SHROOM3: variants seen among roughly 807,000 people sequenced by gnomAD.
The protein encoded by SHROOM3 is shroom family member 3, also known as protein Shroom3.
In SHROOM3, 47 loss-of-function variants were observed where a neutral mutation model predicts 138.6. The observed-to-expected ratio is 0.34, with a 90% CI of 0.27 to 0.43. The LOEUF is 0.43. Ranked by LOEUF, SHROOM3 falls within the 20% of genes least tolerant of loss-of-function variation. The pLI is 1.00. For synonymous variants in SHROOM3, 1,062 were observed against 1,063.3 expected, an observed-to-expected ratio of 1.00 and a Z score of 0.02; for missense variants, 2,491 against 2,596.5, an observed-to-expected ratio of 0.96 and a Z score of 0.88.
intron 9 of SHROOM3, among the ~76,000 whole-genome samples, chr4:76,762,558 G>A (rs1352061683): frequency 1.3e-5 from 2 of 152,212 alleles, no homozygotes; most frequent in Non-Finnish European, 2.9e-5. Context: ...AGTTAATGAG[G>A]CCTCCACATC....
At chr4:76,750,611 T>C (rs901789389) in intron 6 of SHROOM3, among the ~76,000 whole-genome samples, 2 of 152,110 alleles carry the variant, frequency 1.3e-5, no homozygotes, top group African/African-American at 4.8e-5. Flanking sequence ...AACCCCAGCG[T>C]CATGCAATTT....
chr4:76,442,806 T>C (rs2109964855), intron 1 of SHROOM3, among the ~76,000 whole-genome samples: 1 of 152,222 alleles, frequency 6.6e-6, no homozygotes, highest in East Asian at 1.9e-4. Context: ...TCTCTCTCTC[T>C]CCCCTTCCCT....
chr4:76,664,519 G>GTGA lies in SHROOM3; in HGVS notation c.324-45625_324-45623dup, dbSNP rs1234652484. ...TGCCTGTGCTACAATTAAAATAGTC[G>GTGA]TGATGATGATGATGCCTGCCATTCA... On this transcript the variant is annotated intron_variant, in intron 2 of 10. Coordinates refer to ENST00000296043, the MANE Select transcript of SHROOM3 (RefSeq NM_020859.4). The surrounding 1 kb of genome is among the most constrained non-coding windows in gnomAD (Gnocchi z 4.2). Among the ~76,000 whole-genome samples, 2 of 152,108 alleles carry GTGA rather than the reference G, an allele frequency of 1.3e-5. No homozygotes were observed. The highest frequency in any genetic ancestry group is 2.9e-5 in the Non-Finnish European group (2 of 68,010).
intron 2 of SHROOM3, among the ~76,000 whole-genome samples, chr4:76,669,081 T>C (rs1668751247): frequency 6.6e-6 from 1 of 152,220 alleles, no homozygotes; most frequent in Non-Finnish European, 1.5e-5. Flanking sequence ...AAATGCCCCC[T>C]TTCTCCTTTA....
intron 1 of SHROOM3, among the ~76,000 whole-genome samples, chr4:76,502,978 T>A (rs1307733695): frequency 6.6e-6 from 1 of 152,234 alleles, no homozygotes; most frequent in Non-Finnish European, 1.5e-5. Flanking sequence ...TTGTATGCTA[T>A]GTTCTATCCC....
chr4:76,736,294 TG>T (rs1403200301), intron 4 of SHROOM3, among the ~76,000 whole-genome samples: 2 of 152,142 alleles, frequency 1.3e-5, no homozygotes, highest in African/African-American at 4.8e-5. Flanking sequence ...TTCCCTGATC[TG>T]GCTGGCTTGG....
rs1279470645 is a variant in SHROOM3 at position 76,738,882 on chromosome 4, C to A, written c.709C>A (p.Leu237Ile). The A allele has an allele frequency of 6.2e-7, 1 of 1,614,262 alleles. No individual in the cohort carries two copies. The change falls in exon 5 of 11, where the codon CTT (leucine) becomes ATT (isoleucine). Residue 237 changes from leucine (L) to isoleucine (I), a missense_variant. This residue lies in a region of SHROOM3 where 284 missense variants were observed against 322.8 expected (regional missense o/e 0.88). Transcript: ENST00000296043. ...CAGTGGGGCATACCCACCCTGTCAT[C>A]TTTCCCCTGCCAAGTCCACCGGCAG... Reference protein sequence around the residue: ...EPSGAYPPCHLSPAKSTGSID... With the variant: ...EPSGAYPPCHISPAKSTGSID...
chr4:76,642,852 G>C (rs1007761261), intron 2 of SHROOM3, among the ~76,000 whole-genome samples: 4 of 151,988 alleles, frequency 2.6e-5, no homozygotes, highest in South Asian at 2.1e-4. Context: ...GAGTATTTGT[G>C]GGGGAGGGGA....
chr4:76,675,048 G>A (rs566512191), intron 2 of SHROOM3, among the ~76,000 whole-genome samples: 42 of 152,254 alleles, frequency 2.8e-4, no homozygotes, highest in African/African-American at 8.9e-4. Context: ...TATAAATAAT[G>A]GGCTTAGACA....
At chr4:76,559,148 TATCTC>T (rs1473088428) in intron 2 of SHROOM3, 1 of 152,242 alleles carries the variant, frequency 6.6e-6, no homozygotes, top group Non-Finnish European at 1.5e-5. Context: ...GAATATGTCT[TATCTC>T]ATCTATTATG....
At chr4:76,571,777 T>A (rs1268175641) in intron 2 of SHROOM3, among the ~76,000 whole-genome samples, 1 of 152,214 alleles carries the variant, frequency 6.6e-6, no homozygotes, top group Non-Finnish European at 1.5e-5. Flanking sequence ...AGACTTCCAA[T>A]AAGATTTTAT....
chr4:76,444,533 G>A (rs372296043), intron 1 of SHROOM3, among the ~76,000 whole-genome samples: 52 of 111,588 alleles, frequency 4.7e-4, no homozygotes, highest in East Asian at 2.9e-3. Context: ...TTGCTCTGTC[G>A]CCCAGGCTGG....
At chr4:76,774,186 G>A (rs1265184277) in intron 10 of SHROOM3, among the ~76,000 whole-genome samples, 1 of 152,188 alleles carries the variant, frequency 6.6e-6, no homozygotes, top group Non-Finnish European at 1.5e-5. Flanking sequence ...CTGGATGAAT[G>A]CTCTAGATAT....
chr4:76,473,755 A>G (rs1393775271), intron 1 of SHROOM3, among the ~76,000 whole-genome samples: 1 of 152,222 alleles, frequency 6.6e-6, no homozygotes, highest in Non-Finnish European at 1.5e-5. Flanking sequence ...CAAATCAAAA[A>G]TACAATGAAG....
chr4:76,521,736 A>G (rs1377511914), intron 1 of SHROOM3, among the ~76,000 whole-genome samples: 1 of 152,242 alleles, frequency 6.6e-6, no homozygotes, highest in African/African-American at 2.4e-5. Context: ...GGGTTTCAGT[A>G]TAGATCACTG....
At chr4:76,459,744 A>G (rs1731103271) in intron 1 of SHROOM3, among the ~76,000 whole-genome samples, 1 of 152,128 alleles carries the variant, frequency 6.6e-6, no homozygotes, top group Non-Finnish European at 1.5e-5. Flanking sequence ...TGCTAAAGTA[A>G]TGTTACAACA....
chr4:76,660,873 G>A (rs919858644), intron 2 of SHROOM3, among the ~76,000 whole-genome samples: 1 of 152,110 alleles, frequency 6.6e-6, no homozygotes, highest in African/African-American at 2.4e-5. Context: ...CACAATCATA[G>A]CTCACTGCAG....
At chr4:76,511,032 A>G (rs917978383) in intron 1 of SHROOM3, among the ~76,000 whole-genome samples, 2 of 152,046 alleles carry the variant, frequency 1.3e-5, no homozygotes, top group African/African-American at 4.8e-5. Flanking sequence ...AATACAAAAA[A>G]TTAGCCAAGT....
intron 2 of SHROOM3, among the ~76,000 whole-genome samples, chr4:76,661,495 G>T (rs1233233576): frequency 1.3e-5 from 2 of 151,944 alleles, no homozygotes; most frequent in African/African-American, 2.4e-5. Context: ...CTCCCAAAGC[G>T]CTGGGTGGGA....
Sources: allele counts gnomAD v4.1 joint callset (sites outside exome capture counted in the v4.1 genomes callset), GRCh38; gene constraint gnomAD v4.1.1; regional missense constraint gnomAD v4.1.1; non-coding constraint Gnocchi (gnomAD v3.1); transcripts MANE v1.5; gene names NCBI Gene and HGNC (gene_info 2026-07-23, HGNC 2026-07-21).